Variants in ARHGAP6 observed in about 807,000 individuals in gnomAD.
The protein encoded by ARHGAP6 is rho GTPase-activating protein 6.
ARHGAP6 carries 16 observed loss-of-function variants against 55.7 expected under a neutral mutation model. That is an observed-to-expected ratio of 0.29 (90% CI 0.19 to 0.44). ARHGAP6 has a LOEUF of 0.44. ARHGAP6 is among the 20% of genes least tolerant of loss of function. The pLI is 1.00. For missense variants in ARHGAP6, 698 were observed against 808.9 expected (o/e 0.86, Z 1.66); for synonymous variants, 382 against 360.9 (o/e 1.06, Z -0.66).
At chrX:11,621,722 G>C (rs2052232830) in intron 1 of ARHGAP6, among the ~76,000 whole-genome samples, 1 of 110,828 alleles carries the variant, frequency 9.0e-6, no homozygotes, top group African/African-American at 3.3e-5. Context: ...TTTTTTTAAT[G>C]AAGAACGGTA....
At chrX:11,387,249 C>T (rs1004132781) in intron 1 of ARHGAP6, among the ~76,000 whole-genome samples, 13 of 111,596 alleles carry the variant, frequency 1.2e-4, no homozygotes, top group Admixed American at 1.1e-3. Context: ...GGGAGCTCTA[C>T]AAAATACCTA....
At chrX:11,657,796 C>T (rs1452062858) in intron 1 of ARHGAP6, among the ~76,000 whole-genome samples, 1 of 111,040 alleles carries the variant, frequency 9.0e-6, no homozygotes, top group Non-Finnish European at 1.9e-5. Context: ...TTGGCCAAGA[C>T]AATCCCAGAG....
At chrX:11,408,139 T>C (rs1229250162) in intron 1 of ARHGAP6, among the ~76,000 whole-genome samples, 1 of 110,911 alleles carries the variant, frequency 9.0e-6, no homozygotes, top group African/African-American at 3.3e-5. Flanking sequence ...TTCTGTCCAT[T>C]AGTCAAAGGT....
At chrX:11,356,587 T>A (rs5935028) in intron 1 of ARHGAP6, among the ~76,000 whole-genome samples, 6,745 of 111,397 alleles carry the variant, frequency 0.061, 225 homozygotes, top group African/African-American at 0.13. Context: ...GAGAAAAATA[T>A]CACAGTAGTA....
At chrX:11,438,635 A>G (rs1308332347) in intron 1 of ARHGAP6, among the ~76,000 whole-genome samples, 1 of 112,685 alleles carries the variant, frequency 8.9e-6, no homozygotes, top group African/African-American at 3.2e-5. Flanking sequence ...ACCTATTTCA[A>G]TTAAAAAGAA....
chrX:11,178,440 A>T (rs1187766878), intron 7 of ARHGAP6, among the ~76,000 whole-genome samples, 192 bp from the exon 8 acceptor site: 1 of 109,324 alleles, frequency 9.1e-6, no homozygotes, highest in Non-Finnish European at 1.9e-5. Flanking sequence ...GCCAAATTAG[A>T]CCTCGAGAAG....
chrX:11,198,477 C>T (rs1453852792), intron 2 of ARHGAP6, among the ~76,000 whole-genome samples: 1 of 111,940 alleles, frequency 8.9e-6, no homozygotes, highest in Non-Finnish European at 1.9e-5. Flanking sequence ...ATCTGTTCTC[C>T]AATTAGGCCT....
intron 1 of ARHGAP6, among the ~76,000 whole-genome samples, chrX:11,564,635 C>T (rs188177085): frequency 2.7e-5 from 3 of 111,599 alleles, no homozygotes; most frequent in Admixed American, 1.9e-4. Context: ...AAACTGATTG[C>T]TAGCATTCTA....
At chrX:11,274,644 C>G (rs2047734954) in intron 1 of ARHGAP6, among the ~76,000 whole-genome samples, 1 of 110,307 alleles carries the variant, frequency 9.1e-6, no homozygotes. Flanking sequence ...ATTTTAAGTT[C>G]CAGGGTACAT....
intron 1 of ARHGAP6, among the ~76,000 whole-genome samples, chrX:11,285,801 GAA>G (rs1450116097): frequency 8.9e-6 from 1 of 112,336 alleles, no homozygotes; most frequent in African/African-American, 3.2e-5. Context: ...ATTCTGAAAA[GAA>G]AAGAGGTCAC....
intron 1 of ARHGAP6, among the ~76,000 whole-genome samples, chrX:11,351,047 TACACACAC>T (rs35026703): frequency 2.0e-4 from 18 of 87,959 alleles, no homozygotes; most frequent in South Asian, 1.2e-3. Context: ...ATATTCAAAT[TACACACAC>T]ACACACACAC....
intron 1 of ARHGAP6, among the ~76,000 whole-genome samples, chrX:11,349,416 A>C (rs2048829398): frequency 9.0e-6 from 1 of 111,247 alleles, no homozygotes; most frequent in African/African-American, 3.3e-5. Flanking sequence ...GGCCCTCTAG[A>C]AATAAAGTAC....
At chrX:11,272,609 C>T (rs1031309049) in intron 1 of ARHGAP6, among the ~76,000 whole-genome samples, 2 of 109,638 alleles carry the variant, frequency 1.8e-5, no homozygotes, top group Non-Finnish European at 3.8e-5. Flanking sequence ...GCCCTCATCT[C>T]AAAGCTCAGA....
intron 1 of ARHGAP6, among the ~76,000 whole-genome samples, chrX:11,442,203 A>G (rs1030258157): frequency 1.8e-4 from 20 of 109,774 alleles, no homozygotes; most frequent in Non-Finnish European, 3.2e-4. Flanking sequence ...TCTTTCCTTT[A>G]TAACTCCCCA....
chrX:11,427,805 G>GGGAGGGGGAAGAGGAGGAGGA (rs2049900381), intron 1 of ARHGAP6: 1 of 723,257 alleles, frequency 1.4e-6, no homozygotes, highest in East Asian at 1.6e-4. Flanking sequence ...GGCGCGAAGG[G>GGGAGGGGGAAGAGGAGGAGGA]GGAGGGGGAA....
intron 1 of ARHGAP6, among the ~76,000 whole-genome samples, chrX:11,415,053 G>C (rs921999657): frequency 8.9e-6 from 1 of 111,994 alleles, no homozygotes; most frequent in Non-Finnish European, 1.9e-5. Context: ...AGTATGTGAA[G>C]TAATGCATAT....
chrX:11,322,511 A>T (rs2048445808), intron 1 of ARHGAP6, among the ~76,000 whole-genome samples: 1 of 111,445 alleles, frequency 9.0e-6, no homozygotes. Flanking sequence ...GGCATGCACC[A>T]CCATGCCTGG....
intron 2 of ARHGAP6, among the ~76,000 whole-genome samples, chrX:11,230,060 G>C (rs1230239021): frequency 8.9e-6 from 1 of 112,134 alleles, no homozygotes; most frequent in Non-Finnish European, 1.9e-5. Context: ...TCTTTCAGTA[G>C]TTACAGAGGC....
At chrX:11,655,166 CT>C (rs1266045007) in intron 1 of ARHGAP6, among the ~76,000 whole-genome samples, 1 of 112,322 alleles carries the variant, frequency 8.9e-6, no homozygotes, top group Non-Finnish European at 1.9e-5. Context: ...TGACTAGCTT[CT>C]TTCACTTAGC....
Sources: allele counts gnomAD v4.1 joint callset (sites outside exome capture counted in the v4.1 genomes callset), GRCh38; gene constraint gnomAD v4.1.1; transcripts MANE v1.5; gene names NCBI Gene and HGNC (gene_info 2026-07-23, HGNC 2026-07-21).